YTHDC1: variants seen among roughly 807,000 people sequenced by gnomAD.
YTHDC1 encodes the protein YTH domain-containing protein 1.
YTHDC1 carries 12 observed loss-of-function variants against 107.0 expected under a neutral mutation model. The ratio of observed to expected loss-of-function variants is 0.11; its 90% CI spans 0.07 to 0.18. The LOEUF (loss-of-function observed/expected upper bound fraction) is 0.18. Ranked by LOEUF, YTHDC1 falls within the 10% of genes least tolerant of loss-of-function variation. YTHDC1 has a pLI of 1.00. For synonymous variants in YTHDC1, 280 were observed against 289.5 expected (o/e 0.97, Z 0.33); for missense variants, 635 against 898.8 (o/e 0.71, Z 3.75).
chr4:68,324,073 T>C (rs1722721313), intron 10 of YTHDC1, 66 bp downstream of exon 10: 2 of 1,410,462 alleles, frequency 1.4e-6, no homozygotes, highest in East Asian at 2.3e-5. Flanking sequence ...AACGAATACA[T>C]CAATAAAGAT....
chr4:68,333,085 T>C (rs753572582), intron 5 of YTHDC1, among the ~76,000 whole-genome samples: 2 of 152,020 alleles, frequency 1.3e-5, no homozygotes, highest in Non-Finnish European at 2.9e-5. Context: ...CACTGAATCA[T>C]CATCTTCCAA....
chr4:68,325,291 G>T (rs1022313235), intron 9 of YTHDC1, among the ~76,000 whole-genome samples: 1 of 152,018 alleles, frequency 6.6e-6, no homozygotes, highest in African/African-American at 2.4e-5. Flanking sequence ...TTTTTAATAG[G>T]AGTGGTTGTA....
chr4:68,318,802 T>C, intron 13 of YTHDC1, 24 bp downstream of exon 13: 1 of 1,614,148 alleles, frequency 6.2e-7, no homozygotes, highest in Middle Eastern at 1.6e-4. Flanking sequence ...AATTCAAAAC[T>C]AGGCAAGAGT....
intron 9 of YTHDC1, among the ~76,000 whole-genome samples, chr4:68,328,510 C>T (rs1026687790): frequency 1.3e-5 from 2 of 152,196 alleles, no homozygotes; most frequent in South Asian, 4.1e-4. Context: ...CATTCCAATA[C>T]CATAATTATG....
intron 1 of YTHDC1, among the ~76,000 whole-genome samples, chr4:68,343,265 C>A (rs59349287): frequency 6.6e-6 from 1 of 151,952 alleles, no homozygotes; most frequent in East Asian, 1.9e-4. Flanking sequence ...GTGGCGCAAT[C>A]TGGGATCACT....
At chr4:68,319,981 C>T (rs1028891360) in intron 12 of YTHDC1, 142 bp downstream of exon 12, 21 of 683,104 alleles carry the variant, frequency 3.1e-5, no homozygotes, top group South Asian at 1.5e-4. Flanking sequence ...ATGAGAACTA[C>T]TAAAATTTCT....
intron 9 of YTHDC1, among the ~76,000 whole-genome samples, chr4:68,325,339 T>C (rs1722878429): frequency 6.6e-6 from 1 of 152,068 alleles, no homozygotes; most frequent in African/African-American, 2.4e-5. Context: ...ACAAAATGCT[T>C]CATGAAAGAA....
At chr4:68,349,554 G>A (rs974625138) in intron 1 of YTHDC1, among the ~76,000 whole-genome samples, 172 bp downstream of exon 1, 1 of 151,850 alleles carries the variant, frequency 6.6e-6, no homozygotes, top group African/African-American at 2.4e-5. Context: ...GGACGAAAGG[G>A]CAGGCCTGGT....
At chr4:68,320,543 A>G (rs1560475487) in intron 11 of YTHDC1, among the ~76,000 whole-genome samples, 1 of 152,146 alleles carries the variant, frequency 6.6e-6, no homozygotes, top group Non-Finnish European at 1.5e-5. Flanking sequence ...CAGTTTTAAC[A>G]ATTAAAACAC....
intron 10 of YTHDC1, among the ~76,000 whole-genome samples, chr4:68,323,620 AAAAAT>A (rs879294155): frequency 1.3e-5 from 2 of 152,200 alleles, no homozygotes; most frequent in Admixed American, 6.5e-5. Context: ...ATTAAAATTA[AAAAAT>A]AAAATAAAAC....
chr4:68,328,400 T>C (rs1461469070), intron 9 of YTHDC1, among the ~76,000 whole-genome samples: 2 of 152,202 alleles, frequency 1.3e-5, no homozygotes, highest in African/African-American at 2.4e-5. Context: ...AACTTAATTA[T>C]AATTTTGATT....
chr4:68,327,855 T>C (rs957133426), intron 9 of YTHDC1, among the ~76,000 whole-genome samples: 1 of 152,208 alleles, frequency 6.6e-6, no homozygotes, highest in African/African-American at 2.4e-5. Context: ...CTGTAAAGTA[T>C]TGTAAAATTA....
chr4:68,321,244 T>C (rs570267086), intron 11 of YTHDC1, among the ~76,000 whole-genome samples: 49 of 152,322 alleles, frequency 3.2e-4, no homozygotes, highest in Non-Finnish European at 4.9e-4. Flanking sequence ...ATTAACTTTT[T>C]CAACACAGTT....
At chr4:68,330,962 C>T (rs528904721) in intron 7 of YTHDC1, among the ~76,000 whole-genome samples, 1 of 152,244 alleles carries the variant, frequency 6.6e-6, no homozygotes, top group Admixed American at 6.5e-5. Flanking sequence ...ATACAAATGA[C>T]ATCTCATTCA....
chr4:68,337,683 A>G lies in YTHDC1; in HGVS notation c.348T>C (p.Arg116=), dbSNP rs1169078357. 6.2e-7 allele frequency: 1 copy of G among 1,614,044 alleles called. No homozygotes were observed. Among genetic ancestry groups the G allele is most frequent in the Non-Finnish European group, 8.5e-7 (1 of 1,180,048 alleles). ...GTTCTCTGGAGGCACTACTTGATAG[A>G]CGAATTTTCCGATCAGCATCTAGAC... ...NKRLDADRKI[R]LSSSASREPY... Residue 116 remains arginine (R), a synonymous_variant, in exon 3 of 17, where the codon CGT becomes CGC. Transcript: ENST00000344157.
At chr4:68,333,236 T>A in intron 5 of YTHDC1, 72 bp downstream of exon 5, 8 of 1,197,184 alleles carry the variant, frequency 6.7e-6, no homozygotes, top group Non-Finnish European at 8.5e-6. Context: ...CACACTAAAC[T>A]ACAGCCTCCA....
intron 1 of YTHDC1, among the ~76,000 whole-genome samples, chr4:68,341,247 G>A (rs1304105636): frequency 1.3e-5 from 2 of 151,792 alleles, no homozygotes; most frequent in Non-Finnish European, 2.9e-5. Context: ...AATCAGATGG[G>A]GAACAATAAA....
At chr4:68,346,815 C>T (rs191363311) in intron 1 of YTHDC1, among the ~76,000 whole-genome samples, 63 of 152,074 alleles carry the variant, frequency 4.1e-4, no homozygotes, top group African/African-American at 1.3e-3. Flanking sequence ...CTCTTACAGT[C>T]CCTGACTTAT....
At position 68,322,778 on chromosome 4, in the gene YTHDC1, G is replaced by A. The variant is rs145576328; in HGVS notation, c.1572C>T (p.Ser524=). 3.7e-4 allele frequency: 593 copies of A among 1,614,072 alleles called. 3 individuals carry two copies. Among genetic ancestry groups the A allele is most frequent in the South Asian group, 7.8e-4 (71 of 91,072 alleles). ...HSQPRSRGRP[S]RREPVRDVGR... ...CCACATCCCGGACTGGTTCTCGACGGGATGGACGTCCTCGTGATCGGGGCT... is the reference window on the plus strand; with the variant it reads ...CCACATCCCGGACTGGTTCTCGACGAGATGGACGTCCTCGTGATCGGGGCT... The change falls in exon 11 of 17, where the codon TCC becomes TCT. Residue 524 remains serine, a synonymous_variant. Coordinates refer to ENST00000344157, the MANE Select transcript of YTHDC1 (RefSeq NM_001031732.4). The surrounding 1 kb of genome is among the most constrained non-coding windows in gnomAD (Gnocchi z 4.8).
Sources: gnomAD v4.1 joint callset for allele counts (sites outside exome capture counted in the v4.1 genomes callset) on GRCh38, gnomAD v4.1.1 for gene constraint, Gnocchi (gnomAD v3.1) non-coding constraint, MANE v1.5 for transcripts, NCBI Gene and HGNC (gene_info 2026-07-23, HGNC 2026-07-21) for gene names.